The following APLP2 variants were observed in gnomAD, a reference collection of about 807,000 sequenced individuals.
The protein encoded by APLP2 is amyloid beta precursor like protein 2.
A neutral mutation model predicts 89.9 loss-of-function variants in APLP2; 53 were observed. The ratio of observed to expected loss-of-function variants is 0.59; its 90% confidence interval spans 0.47 to 0.74. The LOEUF (loss-of-function observed/expected upper bound fraction) is 0.74. APLP2 is among the 30% of genes least tolerant of loss of function. The pLI is 0.00. For missense variants in APLP2, 973 were observed against 975.9 expected (o/e 1.00, Z 0.04); for synonymous variants, 372 against 348.6 (o/e 1.07, Z -0.75).
chr11:130,141,444 C>A lies in APLP2; in HGVS notation c.1924-54C>A. 6.8e-7 allele frequency: 1 copy of A among 1,481,418 alleles called. No homozygotes were observed. Among genetic ancestry groups the A allele is most frequent in the Non-Finnish European group, 9.4e-7 (1 of 1,060,624 alleles). The allele number at this position is 1,481,418 out of a possible 1,614,324, so 91.8% of individuals were successfully genotyped here. A position where few individuals can be genotyped will look rare whatever the true frequency, so the allele number is the denominator to read the frequency against. On this transcript the variant is annotated intron_variant, in intron 14 of 16. Coordinates refer to ENST00000338167, the MANE Select transcript of APLP2 (RefSeq NM_001142276.2). This position sits in a 1 kb window ranked among gnomAD's most constrained non-coding sequence, Gnocchi z 4.2. ...AGCAGAGGAAGGAGGCAGTAAATACCAAACTCCCCGTTCACCCAGTTGCTT... is the reference window on the plus strand; with the variant it reads ...AGCAGAGGAAGGAGGCAGTAAATACAAAACTCCCCGTTCACCCAGTTGCTT...
chr11:130,091,140 GCTC>G (rs1945016802), intron 1 of APLP2, among the ~76,000 whole-genome samples: 2 of 133,342 alleles, frequency 1.5e-5, no homozygotes, highest in African/African-American at 5.8e-5. Context: ...GGGCAGAGGG[GCTC>G]CTCACTTCCC....
rs192484522 is a variant in APLP2 at position 130,082,956 on chromosome 11, C to G, written c.105+12874C>G. 3.3e-5 allele frequency among the ~76,000 whole-genome samples: 5 copies of G among 151,586 alleles called. No homozygotes were observed. In the East Asian group the frequency reaches 9.7e-4, roughly 29 times the overall value. On this transcript the variant is annotated intron_variant, in intron 1 of 16. Coordinates refer to ENST00000338167, the MANE Select transcript of APLP2 (RefSeq NM_001142276.2). ...TTTTCTAAATTGAACAGCCTAAAGT[C>G]CACAGATCTTTTTGTGTATATGGTA...
Position 130,141,343 on chromosome 11 carries a change from T to A in APLP2, c.1924-155T>A, listed in dbSNP as rs1952361326. On this transcript the variant is annotated intron_variant, in intron 14 of 16. Coordinates refer to ENST00000338167, the MANE Select transcript of APLP2 (RefSeq NM_001142276.2). This position sits in a 1 kb window ranked among gnomAD's most constrained non-coding sequence, Gnocchi z 4.2. ...CTTCATTAGGGGTTTGGGGAGTGGATTTGGAAGGCTGTGACAGAACTGGTT... is the reference window on the plus strand; with the variant it reads ...CTTCATTAGGGGTTTGGGGAGTGGAATTGGAAGGCTGTGACAGAACTGGTT... 1.6e-6 allele frequency: 1 copy of A among 634,352 alleles called. No homozygotes were observed. The highest frequency in any genetic ancestry group is 4.3e-4 in the Middle Eastern group (1 of 2,334). 39.3% of individuals were successfully genotyped at this position (634,352 alleles called of 1,614,324 possible).
At chr11:130,119,391 T>A (rs942208652) in intron 3 of APLP2, among the ~76,000 whole-genome samples, 2 of 152,304 alleles carry the variant, frequency 1.3e-5, no homozygotes, top group African/African-American at 4.8e-5. Flanking sequence ...TCCAGTGATG[T>A]GTTGTATATT....
At chr11:130,127,319 C>A (rs1411116407) in intron 8 of APLP2, among the ~76,000 whole-genome samples, 1 of 152,098 alleles carries the variant, frequency 6.6e-6, no homozygotes, top group Non-Finnish European at 1.5e-5. Context: ...GCAGGAACAC[C>A]AAAGTGCAAC....
At chr11:130,138,219 A>G (rs1390526975) in intron 13 of APLP2, among the ~76,000 whole-genome samples, 1 of 152,230 alleles carries the variant, frequency 6.6e-6, no homozygotes, top group Admixed American at 6.5e-5. Flanking sequence ...TGATGGGCCA[A>G]ACGGTGTTGC....
chr11:130,133,798 A>T, intron 12 of APLP2, 70 bp downstream of exon 12: 4 of 1,222,400 alleles, frequency 3.3e-6, no homozygotes, highest in Non-Finnish European at 3.6e-6. Flanking sequence ...AAAGCTGGGC[A>T]AGAGTAGAGA....
intron 1 of APLP2, among the ~76,000 whole-genome samples, chr11:130,078,012 C>T (rs1942428239): frequency 6.6e-6 from 1 of 152,200 alleles, no homozygotes; most frequent in East Asian, 1.9e-4. Context: ...GTAACTACCA[C>T]TGAGGTCAAG....
intron 1 of APLP2, among the ~76,000 whole-genome samples, 188 bp downstream of exon 1, chr11:130,070,270 G>T (rs1245264781): frequency 6.6e-6 from 1 of 151,126 alleles, no homozygotes; most frequent in Non-Finnish European, 1.5e-5. Context: ...GCTGGAGGTC[G>T]GGCTGCCTCA....
chr11:130,106,859 G>A (rs1947849312), intron 1 of APLP2, among the ~76,000 whole-genome samples: 1 of 152,070 alleles, frequency 6.6e-6, no homozygotes, highest in Admixed American at 6.6e-5. Flanking sequence ...TGGCTAATTT[G>A]TGTATTTTTA....
At chr11:130,105,629 A>G (rs560287903) in intron 1 of APLP2, among the ~76,000 whole-genome samples, 4 of 151,732 alleles carry the variant, frequency 2.6e-5, no homozygotes, top group African/African-American at 7.3e-5. Flanking sequence ...AACCACGAGT[A>G]ATGGATGTTT....
At chr11:130,110,328 G>C (rs566616684) in intron 2 of APLP2, among the ~76,000 whole-genome samples, 1 of 152,354 alleles carries the variant, frequency 6.6e-6, no homozygotes, top group Admixed American at 6.5e-5. Flanking sequence ...AACAGAATGC[G>C]TGGAAGTGTT....
At chr11:130,076,807 C>T (rs1028088453) in intron 1 of APLP2, among the ~76,000 whole-genome samples, 2 of 152,198 alleles carry the variant, frequency 1.3e-5, no homozygotes. Flanking sequence ...AGAAACCTTT[C>T]TCAAAGCCCA....
At chr11:130,096,608 C>T (rs1252087281) in intron 1 of APLP2, among the ~76,000 whole-genome samples, 1 of 152,090 alleles carries the variant, frequency 6.6e-6, no homozygotes, top group East Asian at 1.9e-4. Flanking sequence ...GTCTCAGCTC[C>T]TCAGAAGGCC....
chr11:130,071,240 C>T (rs1941030483), intron 1 of APLP2, among the ~76,000 whole-genome samples: 1 of 152,198 alleles, frequency 6.6e-6, no homozygotes, highest in Non-Finnish European at 1.5e-5. Flanking sequence ...ATATTTACTT[C>T]TACAGAATGT....
chr11:130,117,288 A>C (rs1949301133), intron 3 of APLP2, among the ~76,000 whole-genome samples: 1 of 152,122 alleles, frequency 6.6e-6, no homozygotes, highest in African/African-American at 2.4e-5. Context: ...TATTTTATTA[A>C]ATTTTTGGCA....
intron 1 of APLP2, among the ~76,000 whole-genome samples, chr11:130,085,631 A>G (rs540781879): frequency 8.5e-5 from 13 of 152,328 alleles, no homozygotes; most frequent in East Asian, 7.7e-4. Flanking sequence ...TTTTAAGTGT[A>G]CAATTCGGTG....
At chr11:130,124,539 C>T (rs1950174278) in intron 7 of APLP2, among the ~76,000 whole-genome samples, 1 of 152,220 alleles carries the variant, frequency 6.6e-6, no homozygotes, top group Admixed American at 6.5e-5. Flanking sequence ...TTCAGTCTCT[C>T]ACCTTGCAGC....
At chr11:130,091,386 C>T (rs1945132393) in intron 1 of APLP2, among the ~76,000 whole-genome samples, 1 of 147,166 alleles carries the variant, frequency 6.8e-6, no homozygotes, top group Non-Finnish European at 1.5e-5. Flanking sequence ...CTACCTCCCT[C>T]CCGGATGGGG....
Sources: gnomAD v4.1 joint callset for allele counts (sites outside exome capture counted in the v4.1 genomes callset) on GRCh38, gnomAD v4.1.1 for gene constraint, Gnocchi (gnomAD v3.1) non-coding constraint, MANE v1.5 for transcripts, NCBI Gene and HGNC (gene_info 2026-07-23, HGNC 2026-07-21) for gene names.